ECSIT: variants seen among roughly 807,000 people sequenced by gnomAD.
The protein encoded by ECSIT is evolutionarily conserved signaling intermediate in Toll pathway, mitochondrial.
In ECSIT, 29 loss-of-function variants were observed where a neutral mutation model predicts 36.8. The observed-to-expected ratio is 0.79, with a 90% CI of 0.59 to 1.08. The LOEUF (loss-of-function observed/expected upper bound fraction) is 1.08. Among genes scored for constraint, ECSIT ranks in the 50% least tolerant of loss-of-function variants. The probability of loss-of-function intolerance (pLI) is 0.00; values close to 1 mark genes in which losing one functional copy is unlikely to be tolerated. For missense variants in ECSIT, 542 were observed against 581.0 expected, an observed-to-expected ratio of 0.93 and a Z score of 0.69; for synonymous variants, 231 against 234.8, an observed-to-expected ratio of 0.98 and a Z score of 0.15.
chr19:11,522,902 C>T (rs1373004857), intron 1 of ECSIT, among the ~76,000 whole-genome samples: 1 of 151,846 alleles, frequency 6.6e-6, no homozygotes, highest in Admixed American at 6.6e-5. Context: ...AACCCCATCT[C>T]TACTAAAAAT....
chr19:11,525,345 TA>T (rs908014020), intron 1 of ECSIT, among the ~76,000 whole-genome samples: 1 of 151,586 alleles, frequency 6.6e-6, no homozygotes, highest in Non-Finnish European at 1.5e-5. Flanking sequence ...ACTGTCTCTA[TA>T]AAAAAATTTA....
chr19:11,519,066 G>C lies in ECSIT; in HGVS notation c.96+9C>G, dbSNP rs1445184350. The C allele has an allele frequency of 3.2e-6, 5 of 1,550,842 alleles. No individual in the cohort carries two copies. In the South Asian group the frequency reaches 5.9e-5, roughly 18 times the overall value. On this transcript the variant is annotated intron_variant, in intron 2 of 7. Coordinates refer to ENST00000270517, the MANE Select transcript of ECSIT (RefSeq NM_016581.5). This position sits in a 1 kb window ranked among gnomAD's most constrained non-coding sequence, Gnocchi z 4.4. The stretch of plus-strand genomic sequence containing the variant: ...CCTCTACCCAAAAGACTGCCTGGCT[G>C]GTGCTTACCTGAGAGATGGAGGTTC...
At position 11,506,020 on chromosome 19, in the gene ECSIT, C is replaced by G; in HGVS notation, c.*164G>C. On this transcript the variant is annotated 3_prime_UTR_variant, in exon 8 of 8. Coordinates refer to ENST00000270517, the MANE Select transcript of ECSIT (RefSeq NM_016581.5). ...TTCTGGAGGGGTCTCGCCTGCCCATCGCTGGCAGCCCGAGATCCTGGGGAG... is the reference window on the plus strand; with the variant it reads ...TTCTGGAGGGGTCTCGCCTGCCCATGGCTGGCAGCCCGAGATCCTGGGGAG... 1 of 1,254,182 alleles carries G rather than the reference C, an allele frequency of 8.0e-7. No individual in the cohort carries two copies. Among genetic ancestry groups the G allele is most frequent in the Admixed American group, 2.3e-5 (1 of 43,430 alleles). 77.7% of individuals were successfully genotyped at this position (1,254,182 alleles called of 1,614,324 possible). A position where few individuals can be genotyped will look rare whatever the true frequency, so the allele number is the denominator to read the frequency against.
intron 4 of ECSIT, among the ~76,000 whole-genome samples, chr19:11,510,348 G>A (rs886341518): frequency 1.0e-4 from 15 of 150,022 alleles, no homozygotes; most frequent in Middle Eastern, 7.3e-3. Context: ...GCTAATTTTC[G>A]TATTTTTTTG....
chr19:11,520,077 T>G (rs1972071569), intron 1 of ECSIT: 1 of 152,120 alleles, frequency 6.6e-6, no homozygotes, highest in Non-Finnish European at 1.5e-5. Context: ...CCACTGTCTC[T>G]ATAGATCTCC....
At chr19:11,514,362 T>G in intron 2 of ECSIT, 141 bp from the exon 3 acceptor site, 1 of 787,402 alleles carries the variant, frequency 1.3e-6, no homozygotes, top group Admixed American at 2.9e-5. Flanking sequence ...AACCCAAGAT[T>G]CGAGGCCATT....
chr19:11,513,207 T>C lies in ECSIT; in HGVS notation c.587A>G (p.Lys196Arg). ...GAACCACAGCTTCAGGCGCACCAAC[T>C]TGAGCATGGGGTAGCTTTTGCGTCC... Reference protein sequence around the residue: ...IFGRKSYPMLKLVRLKLWFPR... With the variant: ...IFGRKSYPMLRLVRLKLWFPR... The change falls in exon 4 of 8, where the codon AAG becomes AGG. Residue 196 changes from lysine (K) to arginine (R), a missense_variant. Coordinates refer to ENST00000270517, the MANE Select transcript of ECSIT (RefSeq NM_016581.5). The C allele has an allele frequency of 6.2e-7, 1 of 1,614,080 alleles. No individual in the cohort carries two copies. The highest frequency in any genetic ancestry group is 8.5e-7 in the Non-Finnish European group (1 of 1,180,022).
At position 11,505,931 on chromosome 19, in the gene ECSIT, C is replaced by T; in HGVS notation, c.*253G>A. Reference sequence around the variant, plus strand: ...AGACCAAGAATGGAAACTGCGCATGCGCACAACCAACAGCGCTCCCGCCCC... The same window carrying T: ...AGACCAAGAATGGAAACTGCGCATGTGCACAACCAACAGCGCTCCCGCCCC... On this transcript the variant is annotated 3_prime_UTR_variant, in exon 8 of 8. Transcript: ENST00000270517. The T allele has an allele frequency of 2.2e-6, 2 of 896,602 alleles. No individual in the cohort carries two copies. Among genetic ancestry groups the T allele is most frequent in the Non-Finnish European group, 3.2e-6 (2 of 625,418 alleles). The allele number at this position is 896,602 out of a possible 1,614,324, so 55.5% of individuals were successfully genotyped here. A position where few individuals can be genotyped will look rare whatever the true frequency, so the allele number is the denominator to read the frequency against.
chr19:11,513,150 A>C lies in ECSIT; in HGVS notation c.644T>G (p.Val215Gly). 1 of 1,614,160 alleles carries C rather than the reference A, an allele frequency of 6.2e-7. No individual in the cohort carries two copies. The highest frequency in any genetic ancestry group is 8.5e-7 in the Non-Finnish European group (1 of 1,180,022). The change falls in exon 4 of 8, where the codon GTG (valine) becomes GGG (glycine). Residue 215 changes from valine (V) to glycine (G), a missense_variant. Val to Gly is a moderately radical substitution (Grantham distance 109). Coordinates refer to ENST00000270517, the MANE Select transcript of ECSIT (RefSeq NM_016581.5). Reference sequence around the variant, plus strand: ...AGGGTCCTGGGGCAGGTCCCGGGGCACTGGGAAGGGGTTGACGTTCATGAA... The same window carrying C: ...AGGGTCCTGGGGCAGGTCCCGGGGCCCTGGGAAGGGGTTGACGTTCATGAA... ...PRFMNVNPFP[V>G]PRDLPQDPVE... is the part of the protein sequence containing the mutation.
chr19:11,515,311 G>C lies in ECSIT; in HGVS notation c.97-1090C>G, dbSNP rs767522368. ...GTAGAGACGGGGTTTCACTGTGTTAGTCAGGATGGTCTCGATCTCCTGACC... is the reference window on the plus strand; with the variant it reads ...GTAGAGACGGGGTTTCACTGTGTTACTCAGGATGGTCTCGATCTCCTGACC... On this transcript the variant is annotated intron_variant, in intron 2 of 7. Coordinates refer to ENST00000270517, the MANE Select transcript of ECSIT (RefSeq NM_016581.5). 1.1e-4 allele frequency among the ~76,000 whole-genome samples: 17 copies of C among 150,852 alleles called. No homozygotes were observed. In the South Asian group the frequency reaches 3.4e-3, roughly 30 times the overall value.
At chr19:11,520,758 G>A (rs887022759) in intron 1 of ECSIT, among the ~76,000 whole-genome samples, 9 of 150,754 alleles carry the variant, frequency 6.0e-5, no homozygotes, top group African/African-American at 9.8e-5. Context: ...TGATCCGTCC[G>A]CCTCAGCCTC....
intron 2 of ECSIT, among the ~76,000 whole-genome samples, chr19:11,518,755 C>T (rs1203999192): frequency 6.6e-6 from 1 of 151,884 alleles, no homozygotes; most frequent in Non-Finnish European, 1.5e-5. Flanking sequence ...AAAAACTAGC[C>T]GGGTGTGGTA....
chr19:11,512,942 CA>C (rs1270376650), intron 4 of ECSIT, 113 bp downstream of exon 4: 3 of 1,122,596 alleles, frequency 2.7e-6, no homozygotes, highest in South Asian at 1.3e-5. Flanking sequence ...GACCCTGTCT[CA>C]AAAAAGAACT....
chr19:11,517,905 A>C (rs190754390), intron 2 of ECSIT, among the ~76,000 whole-genome samples: 5 of 152,284 alleles, frequency 3.3e-5, no homozygotes, highest in South Asian at 2.1e-4. Flanking sequence ...AAGTAGATGC[A>C]GGAGGAGCTG....
chr19:11,511,957 C>T (rs1485071942), intron 4 of ECSIT, among the ~76,000 whole-genome samples: 1 of 150,854 alleles, frequency 6.6e-6, no homozygotes, highest in African/African-American at 2.4e-5. Flanking sequence ...CGCTTGAACC[C>T]GGGAGTCAGA....
chr19:11,526,245 G>C (rs893147214), intron 1 of ECSIT, among the ~76,000 whole-genome samples: 1 of 152,258 alleles, frequency 6.6e-6, no homozygotes, highest in African/African-American at 2.4e-5. Flanking sequence ...TTACAGGCAT[G>C]AGCCACTGCG....
intron 2 of ECSIT, among the ~76,000 whole-genome samples, chr19:11,517,366 C>T (rs1055143006): frequency 4.6e-5 from 7 of 151,662 alleles, no homozygotes; most frequent in East Asian, 1.9e-4. Context: ...TTTTGAGAGG[C>T]GGGTGGATCA....
rs1457759899 is a variant in ECSIT, at chr19:11,519,131, A to C, written c.40T>G (p.Cys14Gly). The C allele has an allele frequency of 6.5e-7, 1 of 1,550,294 alleles. No individual in the cohort carries two copies. Among genetic ancestry groups the C allele is most frequent in the African/African-American group, 1.4e-5 (1 of 73,026 alleles). The change falls in exon 2 of 8, where the codon TGT becomes GGT. Residue 14 changes from cysteine to glycine, a missense_variant. Physicochemically the swap from Cys to Gly is radical, Grantham distance 159. Transcript: ENST00000270517. This position sits in a 1 kb window ranked among gnomAD's most constrained non-coding sequence, Gnocchi z 4.4. ...VQATLLARGL[C>G]RAWGGTCGAA... is the part of the protein sequence containing the mutation. ...CCGCAGGTGCCTCCCCAGGCCCTAC[A>C]GAGGCCTCGGGCCAGTAGGGTGGCC...
In ECSIT at chr19:11,514,275, G is replaced by A. The variant is rs1971941792; in HGVS notation, c.97-54C>T. 15 of 1,499,696 alleles carry A rather than the reference G, an allele frequency of 1.0e-5. No homozygotes were observed. The South Asian group carries it at 1.7e-4, about 17-fold the overall frequency. The allele number at this position is 1,499,696 out of a possible 1,614,324, so 92.9% of individuals were successfully genotyped here. A position where few individuals can be genotyped will look rare whatever the true frequency, so the allele number is the denominator to read the frequency against. ...TGGCACCTCTCAGTGTCTATGGGGG[G>A]CCGCCAGGCTGGCTCTTTCCTCAGA... On this transcript the variant is annotated intron_variant, in intron 2 of 7. Transcript: ENST00000270517.
Sources: gnomAD v4.1 joint callset for allele counts (sites outside exome capture counted in the v4.1 genomes callset) on GRCh38, gnomAD v4.1.1 for gene constraint, Gnocchi (gnomAD v3.1) non-coding constraint, MANE v1.5 for transcripts, NCBI Gene and HGNC (gene_info 2026-07-23, HGNC 2026-07-21) for gene names.